The following SMPDL3B variants were observed in gnomAD, a reference collection of about 807,000 sequenced individuals.
SMPDL3B encodes the protein acid sphingomyelinase-like phosphodiesterase 3b.
Under a neutral mutation model 37.9 loss-of-function variants are expected in SMPDL3B, and 31 were observed. The observed-to-expected ratio is 0.82, with a 90% confidence interval of 0.61 to 1.10. The LOEUF (loss-of-function observed/expected upper bound fraction) is 1.10. Ranked by LOEUF, SMPDL3B falls within the 50% of genes least tolerant of loss-of-function variation. The pLI is 0.00. For synonymous variants in SMPDL3B, 235 were observed against 242.6 expected, an observed-to-expected ratio of 0.97 and a Z score of 0.29; for missense variants, 525 against 597.8, an observed-to-expected ratio of 0.88 and a Z score of 1.27.
chr1:27,959,052 A>C lies in SMPDL3B; in HGVS notation c.*214A>C. The C allele has an allele frequency of 1.8e-6, 1 of 563,020 alleles. No individual in the cohort carries two copies. The highest frequency in any genetic ancestry group is 3.1e-6 in the Non-Finnish European group (1 of 321,942). The allele number at this position is 563,020 out of a possible 1,614,324, so 34.9% of individuals were successfully genotyped here. The stretch of plus-strand genomic sequence containing the variant: ...AAAGCCAGACTCTCTCCAAAAACAA[A>C]CCAGAAACAGAAAAGAAATGACGAC... On this transcript the variant is annotated 3_prime_UTR_variant, in exon 8 of 8. Transcript: ENST00000373894.
At chr1:27,951,320 AAC>A (rs2090453817) in intron 3 of SMPDL3B, among the ~76,000 whole-genome samples, 2 of 152,144 alleles carry the variant, frequency 1.3e-5, no homozygotes, top group African/African-American at 4.8e-5. Flanking sequence ...GAATTCTAAA[AAC>A]ACAAGTCAAG....
intron 3 of SMPDL3B, among the ~76,000 whole-genome samples, chr1:27,950,674 A>G (rs1014002792): frequency 4.6e-5 from 7 of 152,224 alleles, no homozygotes; most frequent in African/African-American, 1.7e-4. Flanking sequence ...CCGTCGCCCA[A>G]GCTAAAGTGC....
chr1:27,946,140 G>T (rs1055594410), intron 2 of SMPDL3B, among the ~76,000 whole-genome samples: 4 of 152,038 alleles, frequency 2.6e-5, no homozygotes, highest in African/African-American at 9.7e-5. Context: ...ATCACCTGAG[G>T]TCAGGAGTTT....
Position 27,945,252 on chromosome 1 carries a change from G to A in SMPDL3B, c.82G>A (p.Asp28Asn). The A allele has an allele frequency of 6.2e-7, 1 of 1,614,128 alleles. No homozygotes were observed. ...AEPGKFWHIA[D>N]LHLDPDYKVS... is the part of the protein sequence containing the mutation. ...TGCAGGGAAGTTCTGGCACATCGCTGACCTGCACCTTGACCCTGACTACAA... is the reference window on the plus strand; with the variant it reads ...TGCAGGGAAGTTCTGGCACATCGCTAACCTGCACCTTGACCCTGACTACAA... Residue 28 changes from aspartate to asparagine, a missense_variant, in exon 2 of 8, where the codon GAC becomes AAC. By Grantham distance (23) the Asp-to-Asn change is conservative (BLOSUM62 1). Coordinates refer to ENST00000373894, the MANE Select transcript of SMPDL3B (RefSeq NM_014474.4). This position sits in a 1 kb window ranked among gnomAD's most constrained non-coding sequence, Gnocchi z 4.0.
chr1:27,949,542 C>T (rs1434366378), intron 3 of SMPDL3B, among the ~76,000 whole-genome samples: 1 of 152,214 alleles, frequency 6.6e-6, no homozygotes, highest in Non-Finnish European at 1.5e-5. Flanking sequence ...CACCCTCAAA[C>T]TGTCCTGGCT....
chr1:27,951,818 C>A (rs1297401747), intron 3 of SMPDL3B, among the ~76,000 whole-genome samples: 4 of 152,204 alleles, frequency 2.6e-5, no homozygotes, highest in Non-Finnish European at 5.9e-5. Context: ...CACTGCACTG[C>A]AGCCTGGGAG....
intron 3 of SMPDL3B, among the ~76,000 whole-genome samples, chr1:27,952,523 G>C (rs1461575999): frequency 6.6e-6 from 1 of 152,188 alleles, no homozygotes; most frequent in African/African-American, 2.4e-5. Context: ...ACAGAAATGA[G>C]GCTGTTCATG....
chr1:27,945,446 G>C lies in SMPDL3B; in HGVS notation c.275+1G>C. On this transcript the variant is annotated splice_donor_variant, in intron 2 of 7. Transcript: ENST00000373894. LOFTEE classifies it high-confidence loss of function. This position sits in a 1 kb window ranked among gnomAD's most constrained non-coding sequence, Gnocchi z 4.0. ...AGCCAGACTTCATTCTCTGGACTGG[G>C]TGAGTACAGTTGAGGTGGCAGCTAC... The C allele has an allele frequency of 6.2e-7, 1 of 1,612,524 alleles. No homozygotes were observed. Among genetic ancestry groups the C allele is most frequent in the South Asian group, 1.1e-5 (1 of 91,022 alleles).
chr1:27,944,389 C>G (rs1291064915), intron 1 of SMPDL3B, among the ~76,000 whole-genome samples: 2 of 152,148 alleles, frequency 1.3e-5, no homozygotes, highest in Admixed American at 1.3e-4. Context: ...GAGTCTTGCT[C>G]TGTCACCCAG....
chr1:27,957,506 G>A (rs767194630), intron 7 of SMPDL3B, among the ~76,000 whole-genome samples: 25 of 152,172 alleles, frequency 1.6e-4, no homozygotes, highest in Admixed American at 2.0e-4. Flanking sequence ...AAGTGAAAGT[G>A]GACAGGGAAG....
chr1:27,953,326 TTAG>T lies in SMPDL3B; in HGVS notation c.488_490del (p.Ser163del), dbSNP rs1222812321. 6.2e-7 allele frequency: 1 copy of T among 1,613,898 alleles called. No individual in the cohort carries two copies. Among genetic ancestry groups the T allele is most frequent in the African/African-American group, 1.3e-5 (1 of 74,940 alleles). ...ATAGCAGAACTATGGAAACCCTGGC[TTAG>T]TAATGAGTCCATCGCTCTCTTCAAA... On this transcript the variant is annotated inframe_deletion, in exon 4 of 8. Transcript: ENST00000373894.
Position 27,942,966 on chromosome 1 carries a change from G to A in SMPDL3B, c.62-2266G>A, listed in dbSNP as rs536126369. On this transcript the variant is annotated intron_variant, in intron 1 of 7. Coordinates refer to ENST00000373894, the MANE Select transcript of SMPDL3B (RefSeq NM_014474.4). Reference sequence around the variant, plus strand: ...TGTGAGCCACTGTGCCACCATGCCTGGCAGGAATATATTAGTGATCACAAT... The same window carrying A: ...TGTGAGCCACTGTGCCACCATGCCTAGCAGGAATATATTAGTGATCACAAT... Among the ~76,000 whole-genome samples, 3 of 152,240 alleles carry A rather than the reference G, an allele frequency of 2.0e-5. No individual in the cohort carries two copies. In the South Asian group the frequency reaches 6.2e-4, roughly 32 times the overall value.
intron 1 of SMPDL3B, chr1:27,942,186 C>T (rs1023024979): frequency 2.0e-5 from 8 of 403,390 alleles, no homozygotes; most frequent in African/African-American, 6.2e-5. Flanking sequence ...TGAGGGCTGA[C>T]GTCAAAGGGG....
intron 1 of SMPDL3B, 139 bp downstream of exon 1, chr1:27,935,383 C>A: frequency 3.1e-6 from 2 of 642,656 alleles, no homozygotes; most frequent in South Asian, 1.9e-5. Flanking sequence ...GTGGGGAGAG[C>A]TAGTGGGCCT....
At chr1:27,953,001 G>A (rs1055952297) in intron 3 of SMPDL3B, among the ~76,000 whole-genome samples, 1 of 152,170 alleles carries the variant, frequency 6.6e-6, no homozygotes, top group Non-Finnish European at 1.5e-5. Flanking sequence ...AATGGGTTTA[G>A]GGACTGTGAT....
At chr1:27,942,607 T>G (rs2090369904) in intron 1 of SMPDL3B, among the ~76,000 whole-genome samples, 2 of 152,124 alleles carry the variant, frequency 1.3e-5, no homozygotes, top group South Asian at 4.1e-4. Flanking sequence ...GCTTCCCAAG[T>G]AGCTGTAGCT....
chr1:27,950,836 G>GC (rs1456702511), intron 3 of SMPDL3B, among the ~76,000 whole-genome samples: 1 of 152,126 alleles, frequency 6.6e-6, no homozygotes, highest in Non-Finnish European at 1.5e-5. Flanking sequence ...CACTATGTTG[G>GC]CCAGGCTGGT....
In SMPDL3B at chr1:27,955,702, G is replaced by A. The variant is rs769075202; in HGVS notation, c.709G>A (p.Val237Met). Residue 237 changes from valine (V) to methionine (M), a missense_variant, in exon 6 of 8, where the codon GTG becomes ATG. Val to Met is a conservative substitution (Grantham distance 21, BLOSUM62 1). Transcript: ENST00000373894. ...CTTGTAGGTGTACATTGTCGGCCACGTGCCCCCGGGGTTCTTTGAGAAGAC... is the reference window on the plus strand; with the variant it reads ...CTTGTAGGTGTACATTGTCGGCCACATGCCCCCGGGGTTCTTTGAGAAGAC... ...AGDMVYIVGH[V>M]PPGFFEKTQN... The A allele has an allele frequency of 3.7e-6, 6 of 1,613,560 alleles. No homozygotes were observed. Among genetic ancestry groups the A allele is most frequent in the African/African-American group, 1.3e-5 (1 of 74,872 alleles).
chr1:27,939,019 C>A (rs1178608648), intron 1 of SMPDL3B: 1 of 152,226 alleles, frequency 6.6e-6, no homozygotes, highest in East Asian at 1.9e-4. Context: ...GCACTGTGAT[C>A]ATTTCCATTC....
Sources: allele counts gnomAD v4.1 joint callset (sites outside exome capture counted in the v4.1 genomes callset), GRCh38; gene constraint gnomAD v4.1.1; non-coding constraint Gnocchi (gnomAD v3.1); transcripts MANE v1.5; gene names NCBI Gene and HGNC (gene_info 2026-07-23, HGNC 2026-07-21).